Variants in MYH13 observed in about 807,000 individuals in gnomAD.
MYH13 encodes myosin heavy chain 13, also known as myosin-13.
A neutral mutation model predicts 232.1 loss-of-function variants in MYH13; 177 were observed. That is an observed-to-expected ratio of 0.76 (90% confidence interval 0.67 to 0.86). The LOEUF is 0.86. MYH13 is among the 40% of genes least tolerant of loss of function. The probability of loss-of-function intolerance (pLI) is 0.00; values close to 1 mark genes in which losing one functional copy is unlikely to be tolerated. For missense variants in MYH13, 2,246 were observed against 2,405.9 expected, an observed-to-expected ratio of 0.93 and a Z score of 1.39; for synonymous variants, 884 against 923.5, an observed-to-expected ratio of 0.96 and a Z score of 0.78.
intron 39 of MYH13, among the ~76,000 whole-genome samples, chr17:10,302,092 A>T (rs1298348657): frequency 6.6e-6 from 1 of 152,196 alleles, no homozygotes; most frequent in Non-Finnish European, 1.5e-5. Context: ...GTCTAAGGCC[A>T]GGCCACTGTA....
At chr17:10,338,135 C>G (rs966998664) in intron 18 of MYH13, among the ~76,000 whole-genome samples, 3 of 152,186 alleles carry the variant, frequency 2.0e-5, no homozygotes, top group Admixed American at 6.5e-5. Context: ...CACCACCTTG[C>G]AGGCCATCTG....
chr17:10,316,098 T>A, intron 27 of MYH13, 73 bp from the exon 28 acceptor site: 1 of 1,511,244 alleles, frequency 6.6e-7, no homozygotes. Context: ...CTGAACAGTG[T>A]AATCATTTAG....
intron 27 of MYH13, chr17:10,317,937 T>C (rs1906775534): frequency 3.3e-5 from 5 of 152,198 alleles, no homozygotes; most frequent in Admixed American, 3.3e-4. Flanking sequence ...GTTTGTATAC[T>C]TTTTTCTTAA....
intron 16 of MYH13, 55 bp downstream of exon 16, chr17:10,343,745 T>G: frequency 6.6e-7 from 1 of 1,506,746 alleles, no homozygotes; most frequent in African/African-American, 1.4e-5. Context: ...CAGCTCTGGG[T>G]TAGGAGTCAT....
intron 39 of MYH13, among the ~76,000 whole-genome samples, chr17:10,301,907 G>A (rs907388665): frequency 1.9e-4 from 29 of 152,172 alleles, no homozygotes; most frequent in African/African-American, 7.0e-4. Flanking sequence ...CACCTTGCAG[G>A]TGCTACTGTC....
At chr17:10,366,677 CG>C (rs2071840876) in intron 2 of MYH13, among the ~76,000 whole-genome samples, 1 of 152,044 alleles carries the variant, frequency 6.6e-6, no homozygotes, top group African/African-American at 2.4e-5. Flanking sequence ...CTCCATGCCC[CG>C]CCTGAAATAC....
intron 35 of MYH13, among the ~76,000 whole-genome samples, chr17:10,307,298 A>G (rs914451679): frequency 6.6e-6 from 1 of 152,274 alleles, no homozygotes; most frequent in Admixed American, 6.5e-5. Flanking sequence ...TGATAAAAGT[A>G]GAATTTCAAA....
At chr17:10,366,381 G>GTTTGTTTTTTTGTTTTTTT (rs2071837334) in intron 2 of MYH13, among the ~76,000 whole-genome samples, 181 of 112,586 alleles carry the variant, frequency 1.6e-3, no homozygotes, top group African/African-American at 5.5e-3. Context: ...AAATAAATCT[G>GTTTGTTTTTTTGTTTTTTT]TTTTTTTTTT....
In MYH13 at chr17:10,307,039, T is replaced by G. The variant is rs751858574; in HGVS notation, c.5195A>C (p.Lys1732Thr). The change falls in exon 36 of 41, where the codon AAA (lysine) becomes ACA (threonine). Residue 1732 changes from lysine to threonine, a missense_variant. Coordinates refer to ENST00000252172, the MANE Select transcript of MYH13 (RefSeq NM_003802.3). ...CTGAGCTATGTCAGCCTCCAGTTTTTTCTTGGTATTTATCAGGCTTGTGTT... is the reference window on the plus strand; with the variant it reads ...CTGAGCTATGTCAGCCTCCAGTTTTGTCTTGGTATTTATCAGGCTTGTGTT... ...SQNTSLINTK[K>T]KLEADIAQCQ... 1.2e-6 allele frequency: 2 copies of G among 1,614,040 alleles called. No individual in the cohort carries two copies. Among genetic ancestry groups the G allele is most frequent in the Admixed American group, 3.3e-5 (2 of 60,020 alleles).
intron 18 of MYH13, among the ~76,000 whole-genome samples, chr17:10,338,702 T>TTTTTTG (rs1555550859): frequency 2.1e-5 from 3 of 142,452 alleles, no homozygotes; most frequent in African/African-American, 2.6e-5. Flanking sequence ...TTTTTTTTTT[T>TTTTTTG]TTTGTTTGTT....
At chr17:10,362,610 T>C in intron 3 of MYH13, 107 bp from the exon 4 acceptor site, 1 of 1,387,656 alleles carries the variant, frequency 7.2e-7, no homozygotes, top group Non-Finnish European at 1.0e-6. Context: ...AATTACCGCA[T>C]TGTGATGGAT....
intron 3 of MYH13, 43 bp from the exon 4 acceptor site, chr17:10,362,546 A>G: frequency 1.2e-6 from 2 of 1,613,156 alleles, no homozygotes; most frequent in Non-Finnish European, 1.7e-6. Flanking sequence ...TGGTGAGCCA[A>G]GTGCCCACAT....
Position 10,357,829 on chromosome 17 carries a change from T to A in MYH13, c.646-2A>T. ...GATGATCTGATCCTCTAGGGTTCCC[T>A]AATAATAAACAAGAAGAGGAAAAAG... is the stretch of plus-strand genomic sequence containing the variant. On this transcript the variant is annotated splice_acceptor_variant, in intron 7 of 40. Coordinates refer to ENST00000252172, the MANE Select transcript of MYH13 (RefSeq NM_003802.3). LOFTEE classifies it high-confidence loss of function. 6.2e-7 allele frequency: 1 copy of A among 1,611,298 alleles called. No homozygotes were observed. The highest frequency in any genetic ancestry group is 8.5e-7 in the Non-Finnish European group (1 of 1,178,620).
chr17:10,323,782 AAAAAAAAGAAGAAGAAGAAG>A (rs1907078057), intron 23 of MYH13, among the ~76,000 whole-genome samples: 1 of 47,002 alleles, frequency 2.1e-5, no homozygotes, highest in African/African-American at 5.3e-5. Context: ...AAAAAAAAAA[AAAAAAAAGAAGAAGAAGAAG>A]AAGAAGAAGA....
At chr17:10,352,979 T>TTCAGCCAATCACAGCAGCTGAGTC (rs2071721663) in intron 11 of MYH13, among the ~76,000 whole-genome samples, 1 of 152,010 alleles carries the variant, frequency 6.6e-6, no homozygotes, top group Non-Finnish European at 1.5e-5. Flanking sequence ...GCAGCTGAGC[T>TTCAGCCAATCACAGCAGCTGAGTC]TCAGCCAATC....
Position 10,324,054 on chromosome 17 carries a change from C to T in MYH13, c.2902G>A (p.Val968Ile). The change falls in exon 23 of 41, where the codon GTT becomes ATT. Residue 968 changes from valine (V) to isoleucine (I), a missense_variant. Transcript: ENST00000252172. ...TCTGTGGCATGCTTCTCCTTTTCAA[C>T]TTTCGTCAAGGTCAGCTCCAGGTCA... is the stretch of plus-strand genomic sequence containing the variant. ...IDDLELTLTKVEKEKHATENK... is the reference protein window; with the variant it reads ...IDDLELTLTKIEKEKHATENK... The T allele has an allele frequency of 6.2e-7, 1 of 1,614,018 alleles. No homozygotes were observed. Among genetic ancestry groups the T allele is most frequent in the Non-Finnish European group, 8.5e-7 (1 of 1,179,968 alleles).
intron 31 of MYH13, among the ~76,000 whole-genome samples, chr17:10,312,310 A>G (rs1906536408): frequency 6.6e-6 from 1 of 152,164 alleles, no homozygotes; most frequent in Non-Finnish European, 1.5e-5. Flanking sequence ...AGCTTTCACT[A>G]AAAATAAAAT....
Position 10,330,344 on chromosome 17 carries a change from A to G in MYH13, c.2435+43T>C, listed in dbSNP as rs919602328. ...AGCAGGAAGTGACAATCAGCTGCTA[A>G]GCAGAGAGGGCAGGATAAGGTGGAG... On this transcript the variant is annotated intron_variant, in intron 21 of 40. Coordinates refer to ENST00000252172, the MANE Select transcript of MYH13 (RefSeq NM_003802.3). 3 of 1,606,458 alleles carry G rather than the reference A, an allele frequency of 1.9e-6. No individual in the cohort carries two copies. The African/African-American group carries it at 4.0e-5, about 22-fold the overall frequency.
chr17:10,365,222 A>G (rs1039679117), intron 2 of MYH13, among the ~76,000 whole-genome samples: 1 of 152,212 alleles, frequency 6.6e-6, no homozygotes, highest in African/African-American at 2.4e-5. Context: ...CTGTGATCTC[A>G]GTGTCAGTTT....
Sources: gnomAD v4.1 joint callset for allele counts (sites outside exome capture counted in the v4.1 genomes callset) on GRCh38, gnomAD v4.1.1 for gene constraint, MANE v1.5 for transcripts, NCBI Gene and HGNC (gene_info 2026-07-23, HGNC 2026-07-21) for gene names.